The following BUB3 variants were observed in gnomAD, a reference collection of about 807,000 sequenced individuals.
BUB3 encodes BUB3 mitotic checkpoint protein, also known as mitotic checkpoint protein BUB3.
Under a neutral mutation model 39.9 loss-of-function variants are expected in BUB3, and 22 were observed. The observed-to-expected ratio is 0.55, with a 90% CI of 0.39 to 0.79. The LOEUF (loss-of-function observed/expected upper bound fraction) is 0.79, where lower values mean the gene tolerates loss of function less well. Ranked by LOEUF, BUB3 falls within the 30% of genes least tolerant of loss-of-function variation. The probability of loss-of-function intolerance (pLI) is 0.00; values close to 1 mark genes in which losing one functional copy is unlikely to be tolerated. For synonymous variants in BUB3, 168 were observed against 155.1 expected (o/e 1.08, Z -0.62); for missense variants, 303 against 415.4 (o/e 0.73, Z 2.35).
chr10:123,164,599 A>G lies in BUB3; in HGVS notation c.*764A>G, dbSNP rs1564784719. On this transcript the variant is annotated 3_prime_UTR_variant, in exon 8 of 8. Coordinates refer to ENST00000368865, the MANE Select transcript of BUB3 (RefSeq NM_004725.4). Reference sequence around the variant, plus strand: ...AATAATTGTAACGTAATTGCAGTGCATTTAGACAGGCATCTATTTGGACCT... The same window carrying G: ...AATAATTGTAACGTAATTGCAGTGCGTTTAGACAGGCATCTATTTGGACCT... 1 of 989,156 alleles carries G rather than the reference A, an allele frequency of 1.0e-6. No homozygotes were observed. The highest frequency in any genetic ancestry group is 1.2e-6 in the Non-Finnish European group (1 of 832,514). The allele number at this position is 989,156 out of a possible 1,614,324, so 61.3% of individuals were successfully genotyped here. A position where few individuals can be genotyped will look rare whatever the true frequency, so the allele number is the denominator to read the frequency against.
Position 123,163,969 on chromosome 10 carries a change from A to G in BUB3, c.*134A>G, listed in dbSNP as rs547618270. The stretch of plus-strand genomic sequence containing the variant: ...ATTATAACAACCTGAAAATAATGGA[A>G]AAGAGGTTTTTGAATTTTTTTTTTT... On this transcript the variant is annotated 3_prime_UTR_variant, in exon 8 of 8. Transcript: ENST00000368865. The G allele has an allele frequency of 7.5e-7, 1 of 1,324,668 alleles. No homozygotes were observed. The highest frequency in any genetic ancestry group is 1.5e-5 in the African/African-American group (1 of 65,192). 82.1% of individuals were successfully genotyped at this position (1,324,668 alleles called of 1,614,324 possible). A position where few individuals can be genotyped will look rare whatever the true frequency, so the allele number is the denominator to read the frequency against.
In BUB3 at chr10:123,157,711, CT is replaced by C. The variant is rs763140348; in HGVS notation, c.266-9del. On this transcript the variant is annotated splice_polypyrimidine_tract_variant and intron_variant, in intron 3 of 7. Coordinates refer to ENST00000368865, the MANE Select transcript of BUB3 (RefSeq NM_004725.4). ...AAGCTAGATGTTGGGGTTTTTTCCC[CT>C]TTTTTTTTCTCTATAGAAAATCTTG... 9.5e-5 allele frequency: 142 copies of C among 1,499,984 alleles called. No individual in the cohort carries two copies. Among genetic ancestry groups the C allele is most frequent in the South Asian group, 1.9e-4 (15 of 77,082 alleles). 92.9% of individuals were successfully genotyped at this position (1,499,984 alleles called of 1,614,324 possible). A position where few individuals can be genotyped will look rare whatever the true frequency, so the allele number is the denominator to read the frequency against.
In BUB3 at chr10:123,162,687, C is replaced by T; in HGVS notation, c.830C>T (p.Thr277Met). 1.2e-6 allele frequency: 2 copies of T among 1,610,598 alleles called. No homozygotes were observed. The highest frequency in any genetic ancestry group is 1.7e-6 in the Non-Finnish European group (2 of 1,179,188). ...CTGTGCCAATTCCATCGGTACCCCA[C>T]GAGCATCGCATCACTTGCCTTCAGT... The part of the protein sequence containing the change: ...KRLCQFHRYP[T>M]SIASLAFSND... Residue 277 changes from threonine to methionine, a missense_variant, in exon 7 of 8, where the codon ACG (threonine) becomes ATG (methionine). By Grantham distance (81) the Thr-to-Met change is moderately conservative. This residue lies in a region of BUB3 where 182 missense variants were observed against 293.1 expected (regional missense o/e 0.62). Coordinates refer to ENST00000368865, the MANE Select transcript of BUB3 (RefSeq NM_004725.4).
rs559468018 is a variant in BUB3, at chr10:123,165,452, G to A, written c.*1617G>A. 6.0e-6 allele frequency: 1 copy of A among 167,176 alleles called. No individual in the cohort carries two copies. Among genetic ancestry groups the A allele is most frequent in the East Asian group, 1.6e-4 (1 of 6,088 alleles). 10.4% of individuals were successfully genotyped at this position (167,176 alleles called of 1,614,324 possible). On this transcript the variant is annotated 3_prime_UTR_variant, in exon 8 of 8. Transcript: ENST00000368865. ...AAAACTCGTCATCACAGGCATGTTG[G>A]GGGATGACATTTTACCTTTAAGTCC...
In BUB3 at chr10:123,166,926, C is replaced by G. The variant is rs1489266774; in HGVS notation, c.*3091C>G. ...CCAGTTTAGCCTTAGCATTCAAACC[C>G]TTCATTGTTTTTCCTCCATTATCTG... On this transcript the variant is annotated 3_prime_UTR_variant, in exon 8 of 8. Coordinates refer to ENST00000368865, the MANE Select transcript of BUB3 (RefSeq NM_004725.4). 1.3e-5 allele frequency: 2 copies of G among 152,202 alleles called. No homozygotes were observed. Among genetic ancestry groups the G allele is most frequent in the Admixed American group, 1.3e-4 (2 of 15,282 alleles). 9.4% of individuals were successfully genotyped at this position (152,202 alleles called of 1,614,324 possible).
In BUB3 at chr10:123,169,287, A is replaced by G. The variant is rs1564786073; in HGVS notation, c.*5452A>G. The G allele has an allele frequency of 6.6e-6, 1 of 152,262 alleles. No individual in the cohort carries two copies. Among genetic ancestry groups the G allele is most frequent in the Non-Finnish European group, 1.5e-5 (1 of 68,038 alleles). 9.4% of individuals were successfully genotyped at this position (152,262 alleles called of 1,614,324 possible). On this transcript the variant is annotated 3_prime_UTR_variant, in exon 8 of 8. Transcript: ENST00000368865. ...TCATATTACATAAATATCTTGCTTC[A>G]TGCACTTAATATGAAATTTTGCCCA...
At chr10:123,162,898 TC>T in intron 7 of BUB3, 70 bp downstream of exon 7, 1 of 1,432,542 alleles carries the variant, frequency 7.0e-7, no homozygotes, top group South Asian at 1.2e-5. Flanking sequence ...TTTTCTAAAT[TC>T]ATGAATAGCA....
chr10:123,160,629 A>G lies in BUB3; in HGVS notation c.576+64A>G, dbSNP rs985855458. ...AATAATATGATCTTATATTATAATGATTTGGCCACTAGCCCCTAAAGCCTT... is the reference window on the plus strand; with the variant it reads ...AATAATATGATCTTATATTATAATGGTTTGGCCACTAGCCCCTAAAGCCTT... On this transcript the variant is annotated intron_variant, in intron 5 of 7. Transcript: ENST00000368865. 6 of 1,356,596 alleles carry G rather than the reference A, an allele frequency of 4.4e-6. No homozygotes were observed. The African/African-American group carries it at 8.9e-5, about 20-fold the overall frequency. The allele number at this position is 1,356,596 out of a possible 1,614,324, so 84.0% of individuals were successfully genotyped here.
chr10:123,160,105 G>A lies in BUB3; in HGVS notation c.418-302G>A, dbSNP rs547172769. ...GTCTCTAAATGAAACATGAAGGCTA[G>A]GAAAAATAGTTTAATTTGTTTTAGT... On this transcript the variant is annotated intron_variant, in intron 4 of 7. Transcript: ENST00000368865. 3.9e-5 allele frequency among the ~76,000 whole-genome samples: 6 copies of A among 152,040 alleles called. No individual in the cohort carries two copies. In the South Asian group the frequency reaches 1.2e-3, roughly 32 times the overall value.
chr10:123,157,924 G>T (rs955660931), intron 4 of BUB3, 44 bp downstream of exon 4: 9 of 1,554,048 alleles, frequency 5.8e-6, no homozygotes, highest in South Asian at 1.2e-5. Context: ...GTTTTGGGGT[G>T]ATTTTTGTCT....
In BUB3 at chr10:123,169,583, CTG is replaced by C. The variant is rs1844527290; in HGVS notation, c.*5751_*5752del. On this transcript the variant is annotated 3_prime_UTR_variant, in exon 8 of 8. Coordinates refer to ENST00000368865, the MANE Select transcript of BUB3 (RefSeq NM_004725.4). ...ATCACCAAAGTGGCTAATGCAGGCA[CTG>C]TGACAATCTGGGCACTAGGAAAAGC... 1 of 152,208 alleles carries C rather than the reference CTG, an allele frequency of 6.6e-6. No homozygotes were observed. 9.4% of individuals were successfully genotyped at this position (152,208 alleles called of 1,614,324 possible).
rs1844473654 is a variant in BUB3, at chr10:123,165,158, GT to G, written c.*1327del. ...TGTTAGAGTTACTGTGGATTTCTCT[GT>G]TTTCTGTCTTACAAGAAACTTGTCT... is the stretch of plus-strand genomic sequence containing the variant. On this transcript the variant is annotated 3_prime_UTR_variant, in exon 8 of 8. Coordinates refer to ENST00000368865, the MANE Select transcript of BUB3 (RefSeq NM_004725.4). 1.4e-6 allele frequency: 2 copies of G among 1,403,324 alleles called. No individual in the cohort carries two copies. Among genetic ancestry groups the G allele is most frequent in the East Asian group, 2.3e-5 (1 of 43,694 alleles). The allele number at this position is 1,403,324 out of a possible 1,614,324, so 86.9% of individuals were successfully genotyped here.
At chr10:123,158,495 A>G (rs1404231144) in intron 4 of BUB3, among the ~76,000 whole-genome samples, 1 of 152,230 alleles carries the variant, frequency 6.6e-6, no homozygotes, top group Non-Finnish European at 1.5e-5. Context: ...TTCCTTCTGT[A>G]TCCTCATCAG....
Position 123,165,103 on chromosome 10 carries a change from T to A in BUB3, c.*1268T>A. The A allele has an allele frequency of 6.4e-7, 1 of 1,570,994 alleles. No homozygotes were observed. Among genetic ancestry groups the A allele is most frequent in the Non-Finnish European group, 8.7e-7 (1 of 1,143,210 alleles). ...TCTATGGAAAGCTTTGTTTGCTTCCTACAAATACATGCTTATTCCTTAAGG... is the reference window on the plus strand; with the variant it reads ...TCTATGGAAAGCTTTGTTTGCTTCCAACAAATACATGCTTATTCCTTAAGG... On this transcript the variant is annotated 3_prime_UTR_variant, in exon 8 of 8. Coordinates refer to ENST00000368865, the MANE Select transcript of BUB3 (RefSeq NM_004725.4).
intron 3 of BUB3, among the ~76,000 whole-genome samples, chr10:123,156,435 A>G (rs1844348682): frequency 6.6e-6 from 1 of 152,228 alleles, no homozygotes; most frequent in African/African-American, 2.4e-5. Context: ...TAGAGAGAAG[A>G]TGAGTTGAGC....
At position 123,165,144 on chromosome 10, in the gene BUB3, C is replaced by CT; in HGVS notation, c.*1310dup. Reference sequence around the variant, plus strand: ...TTCCTTAAGGGATGTGTTAGAGTTACTGTGGATTTCTCTGTTTTCTGTCTT... The same window carrying CT: ...TTCCTTAAGGGATGTGTTAGAGTTACTTGTGGATTTCTCTGTTTTCTGTCTT... On this transcript the variant is annotated 3_prime_UTR_variant, in exon 8 of 8. Transcript: ENST00000368865. 1 of 1,454,534 alleles carries CT rather than the reference C, an allele frequency of 6.9e-7. No individual in the cohort carries two copies. The highest frequency in any genetic ancestry group is 9.6e-7 in the Non-Finnish European group (1 of 1,044,914). 90.1% of individuals were successfully genotyped at this position (1,454,534 alleles called of 1,614,324 possible).
rs1037453759 is a variant in BUB3, at chr10:123,167,405, A to G, written c.*3570A>G. On this transcript the variant is annotated 3_prime_UTR_variant, in exon 8 of 8. Coordinates refer to ENST00000368865, the MANE Select transcript of BUB3 (RefSeq NM_004725.4). ...TGTGCCCTTTCTCAAAACACGTATG[A>G]AACACCTCCTGCTTGTATACCTTTA... The G allele has an allele frequency of 2.6e-5, 4 of 152,158 alleles. No homozygotes were observed. The highest frequency in any genetic ancestry group is 4.4e-5 in the Non-Finnish European group (3 of 68,036). The allele number at this position is 152,158 out of a possible 1,614,324, so 9.4% of individuals were successfully genotyped here.
Position 123,162,846 on chromosome 10 carries a change from G to A in BUB3, c.971+18G>A. On this transcript the variant is annotated intron_variant, in intron 7 of 7. Coordinates refer to ENST00000368865, the MANE Select transcript of BUB3 (RefSeq NM_004725.4). ...AAACCCAAGTGAGTATGCTTCACCT[G>A]TATTTGAGCCTTTTCTTGCATTCAA... 6.2e-7 allele frequency: 1 copy of A among 1,600,946 alleles called. No homozygotes were observed. The highest frequency in any genetic ancestry group is 1.7e-5 in the Admixed American group (1 of 58,988).
chr10:123,168,357 G>C lies in BUB3; in HGVS notation c.*4522G>C, dbSNP rs1271703457. The C allele has an allele frequency of 1.3e-5, 2 of 152,124 alleles. No homozygotes were observed. The highest frequency in any genetic ancestry group is 4.8e-5 in the African/African-American group (2 of 41,396). 9.4% of individuals were successfully genotyped at this position (152,124 alleles called of 1,614,324 possible). A position where few individuals can be genotyped will look rare whatever the true frequency, so the allele number is the denominator to read the frequency against. Reference sequence around the variant, plus strand: ...AGACAAATTTAAAGATGTTATTTGGGATGGTGTGACTTGCACAAGCCACAC... The same window carrying C: ...AGACAAATTTAAAGATGTTATTTGGCATGGTGTGACTTGCACAAGCCACAC... On this transcript the variant is annotated 3_prime_UTR_variant, in exon 8 of 8. Transcript: ENST00000368865.
Sources: gnomAD v4.1 joint callset for allele counts (sites outside exome capture counted in the v4.1 genomes callset) on GRCh38, gnomAD v4.1.1 for gene constraint, gnomAD v4.1.1 regional missense constraint, MANE v1.5 for transcripts, NCBI Gene and HGNC (gene_info 2026-07-23, HGNC 2026-07-21) for gene names.